The following LRRC53 variants were observed in gnomAD, a reference collection of about 807,000 sequenced individuals.
The protein encoded by LRRC53 is leucine-rich repeat-containing protein 53.
In LRRC53, 25 loss-of-function variants were observed where a neutral mutation model predicts 13.6. That is an observed-to-expected ratio of 1.83 (90% CI 1.34 to 2.56). The LOEUF (loss-of-function observed/expected upper bound fraction) is 2.56, where lower values mean the gene tolerates loss of function less well. LRRC53 is among the 30% of genes most tolerant of loss of function. LRRC53 has a pLI of 0.00. For missense variants in LRRC53, 527 were observed against 275.8 expected (o/e 1.91, Z -6.45); for synonymous variants, 204 against 109.8 (o/e 1.86, Z -5.37).
the LRRC53 span, among the ~76,000 whole-genome samples, chr1:74,520,591 C>T: frequency 1.3e-5 from 2 of 151,724 alleles, no homozygotes; most frequent in Non-Finnish European, 2.9e-5. Context: ...TGGCAAAACA[C>T]CAAAATTTTT....
the LRRC53 span, among the ~76,000 whole-genome samples, chr1:74,535,033 T>TAA: frequency 6.6e-6 from 1 of 151,604 alleles, no homozygotes; most frequent in Admixed American, 6.6e-5. Flanking sequence ...GGCATGTATG[T>TAA]AAAAATCAGG....
chr1:74,469,855 T>C lies in LRRC53; in HGVS notation c.*23A>G, dbSNP rs937323674. ...AGAAAGCTAAAGTAGAAAAGGATTA[T>C]TATTTGAGTTATTTTGTTCACTTTA... On this transcript the variant is annotated 3_prime_UTR_variant, in exon 5 of 5. Coordinates refer to ENST00000294635, the MANE Select transcript of LRRC53 (RefSeq NM_001382280.1). The C allele has an allele frequency of 2.5e-6, 1 of 400,448 alleles. No homozygotes were observed. Among genetic ancestry groups the C allele is most frequent in the Non-Finnish European group, 4.4e-6 (1 of 225,956 alleles). The allele number at this position is 400,448 out of a possible 1,614,324, so 24.8% of individuals were successfully genotyped here.
chr1:74,510,014 T>C (rs1369079258), intron 1 of LRRC53, among the ~76,000 whole-genome samples: 1 of 152,168 alleles, frequency 6.6e-6, no homozygotes, highest in Non-Finnish European at 1.5e-5. Context: ...TTCCAAGGTG[T>C]GAGCCTATGC....
chr1:74,473,254 G>T (rs1298408126), intron 4 of LRRC53, among the ~76,000 whole-genome samples: 4 of 152,056 alleles, frequency 2.6e-5, no homozygotes. Flanking sequence ...ATGAAGGAAT[G>T]AGCTTTAAAG....
Position 74,470,542 on chromosome 1 carries a change from G to GGAATT in LRRC53, c.3075_3079dup (p.Pro1027GlnfsTer8). 1 of 400,658 alleles carries GGAATT rather than the reference G, an allele frequency of 2.5e-6. No individual in the cohort carries two copies. Among genetic ancestry groups the GGAATT allele is most frequent in the South Asian group, 1.3e-4 (1 of 7,950 alleles). 24.8% of individuals were successfully genotyped at this position (400,658 alleles called of 1,614,324 possible). On this transcript the variant is annotated frameshift_variant, in exon 5 of 5. Coordinates refer to ENST00000294635, the MANE Select transcript of LRRC53 (RefSeq NM_001382280.1). LOFTEE classifies it low-confidence loss of function (END_TRUNC). Reference sequence around the variant, plus strand: ...GGGAAGTTCTATTCTATTTTGGTATGGAATTGAATTTGTCTTCATAAATGA... The same window carrying GGAATT: ...GGGAAGTTCTATTCTATTTTGGTATGGAATTGAATTGAATTTGTCTTCATAAATGA...
chr1:74,532,565 G>T, the LRRC53 span, among the ~76,000 whole-genome samples: 1 of 151,728 alleles, frequency 6.6e-6, no homozygotes, highest in Admixed American at 6.6e-5. Flanking sequence ...ATGCTGGTGT[G>T]CTGCACCCAA....
chr1:74,534,035 A>C, the LRRC53 span, among the ~76,000 whole-genome samples: 606 of 152,286 alleles, frequency 4.0e-3, 5 homozygotes, highest in African/African-American at 0.014. Context: ...CGCCGGTGAA[A>C]TTAATTCCTT....
intron 1 of LRRC53, among the ~76,000 whole-genome samples, chr1:74,503,228 T>C (rs72979408): frequency 6.6e-6 from 1 of 152,332 alleles, no homozygotes; most frequent in African/African-American, 2.4e-5. Flanking sequence ...AAAAGACCAC[T>C]CTTTCTCATG....
the LRRC53 span, among the ~76,000 whole-genome samples, chr1:74,536,756 G>C: frequency 6.6e-6 from 1 of 152,184 alleles, no homozygotes; most frequent in Admixed American, 6.5e-5. Context: ...AGACTACCTA[G>C]TTGACCAGCA....
At position 74,480,064 on chromosome 1, in the gene LRRC53, C is replaced by A. The variant is rs1668402773; in HGVS notation, c.904+89G>T. ...CTCTCCTTTCCATAGCCCTGGCAAC[C>A]AAGTGTCTGAGATAAGCATCACTTA... On this transcript the variant is annotated intron_variant, in intron 3 of 4. Transcript: ENST00000294635. The A allele has an allele frequency of 6.4e-6, 4 of 623,378 alleles. No individual in the cohort carries two copies. The East Asian group carries it at 1.1e-4, about 17-fold the overall frequency. 38.6% of individuals were successfully genotyped at this position (623,378 alleles called of 1,614,324 possible). A position where few individuals can be genotyped will look rare whatever the true frequency, so the allele number is the denominator to read the frequency against.
intron 1 of LRRC53, among the ~76,000 whole-genome samples, chr1:74,503,168 G>A (rs1197715053): frequency 6.6e-6 from 1 of 152,132 alleles, no homozygotes; most frequent in Non-Finnish European, 1.5e-5. Context: ...GGCAACAATT[G>A]ACTTTCTGGT....
intron 1 of LRRC53, among the ~76,000 whole-genome samples, chr1:74,511,019 C>T (rs1467658627): frequency 6.6e-6 from 1 of 152,014 alleles, no homozygotes; most frequent in African/African-American, 2.4e-5. Flanking sequence ...TCCCAAGTAG[C>T]TGGAATTACA....
intron 4 of LRRC53, among the ~76,000 whole-genome samples, chr1:74,473,388 T>C (rs917940736): frequency 2.0e-5 from 3 of 152,110 alleles, no homozygotes; most frequent in Non-Finnish European, 2.9e-5. Context: ...TTTAAAATTA[T>C]TTATTAGTAT....
the LRRC53 span, among the ~76,000 whole-genome samples, chr1:74,534,990 G>A: frequency 4.2e-4 from 64 of 152,180 alleles, no homozygotes. Context: ...AGCACACTGA[G>A]TAGCAGTGGT....
Position 74,471,665 on chromosome 1 carries a change from TC to T in LRRC53, c.1956del (p.Met652IlefsTer20). On this transcript the variant is annotated frameshift_variant, in exon 5 of 5. Transcript: ENST00000294635. LOFTEE classifies it low-confidence loss of function (END_TRUNC). ...DPDLVEINRS[M>X]MSPKISTPWK... ...CAAGGGGTTGATATTTTGGGTGACATCATCGACCTATTTATTTCTACTAAAT... is the reference window on the plus strand; with the variant it reads ...CAAGGGGTTGATATTTTGGGTGACATATCGACCTATTTATTTCTACTAAAT... 1 of 400,868 alleles carries T rather than the reference TC, an allele frequency of 2.5e-6. No individual in the cohort carries two copies. The highest frequency in any genetic ancestry group is 4.4e-6 in the Non-Finnish European group (1 of 226,314). The allele number at this position is 400,868 out of a possible 1,614,324, so 24.8% of individuals were successfully genotyped here. A position where few individuals can be genotyped will look rare whatever the true frequency, so the allele number is the denominator to read the frequency against.
chr1:74,508,585 T>G (rs1195876583), intron 1 of LRRC53, among the ~76,000 whole-genome samples: 1 of 152,146 alleles, frequency 6.6e-6, no homozygotes, highest in East Asian at 1.9e-4. Context: ...GGAGGCAGAC[T>G]GCATTCAGAG....
chr1:74,471,698 C>A lies in LRRC53; in HGVS notation c.1924G>T (p.Asp642Tyr). The A allele has an allele frequency of 2.5e-6, 1 of 401,840 alleles. No individual in the cohort carries two copies. Among genetic ancestry groups the A allele is most frequent in the South Asian group, 1.2e-4 (1 of 8,030 alleles). The allele number at this position is 401,840 out of a possible 1,614,324, so 24.9% of individuals were successfully genotyped here. A position where few individuals can be genotyped will look rare whatever the true frequency, so the allele number is the denominator to read the frequency against. ...AYSPKRVIFH[D>Y]PDLVEINRSM... is the part of the protein sequence containing the mutation. ...CTATTTATTTCTACTAAATCAGGAT[C>A]ATGGAAGATAACCCTCTTTGGGGAA... The change falls in exon 5 of 5, where the codon GAT (aspartate) becomes TAT (tyrosine). Residue 642 changes from aspartate to tyrosine, a missense_variant. Physicochemically the swap from Asp to Tyr is radical, Grantham distance 160. Coordinates refer to ENST00000294635, the MANE Select transcript of LRRC53 (RefSeq NM_001382280.1).
chr1:74,499,685 CA>C (rs199921700), intron 1 of LRRC53, among the ~76,000 whole-genome samples: 19 of 151,768 alleles, frequency 1.3e-4, no homozygotes, highest in African/African-American at 4.4e-4. Flanking sequence ...TATTTCCCAC[CA>C]AAAAAATGAG....
chr1:74,475,431 A>G lies in LRRC53; in HGVS notation c.1284T>C (p.Pro428=), dbSNP rs1472128022. The change falls in exon 4 of 5, where the codon CCT becomes CCC. Residue 428 remains proline, a synonymous_variant. Coordinates refer to ENST00000294635, the MANE Select transcript of LRRC53 (RefSeq NM_001382280.1). ...CATTAAAAGCTCTCATATTTCCAGG[A>G]GGCTCTGAACATTCCGAATGCAGCA... is the stretch of plus-strand genomic sequence containing the variant. ...GRLLHSECSE[P]PGNMRAFNEA... 5 of 717,056 alleles carry G rather than the reference A, an allele frequency of 7.0e-6. No individual in the cohort carries two copies. Among genetic ancestry groups the G allele is most frequent in the Admixed American group, 6.0e-5 (3 of 49,968 alleles). 44.4% of individuals were successfully genotyped at this position (717,056 alleles called of 1,614,324 possible).
Sources: gnomAD v4.1 joint callset for allele counts (sites outside exome capture counted in the v4.1 genomes callset) on GRCh38, gnomAD v4.1.1 for gene constraint, MANE v1.5 for transcripts, NCBI Gene and HGNC (gene_info 2026-07-23, HGNC 2026-07-21) for gene names.